The following TIGAR variants were observed in gnomAD, a reference collection of about 807,000 sequenced individuals.
The protein encoded by TIGAR is fructose-2,6-bisphosphatase TIGAR.
Under a neutral mutation model 17.9 loss-of-function variants are expected in TIGAR, and 7 were observed. The observed-to-expected ratio is 0.39, with a 90% CI of 0.22 to 0.73. The LOEUF (loss-of-function observed/expected upper bound fraction) is 0.73, where lower values mean the gene tolerates loss of function less well. Among genes scored for constraint, TIGAR ranks in the 30% least tolerant of loss-of-function variants. The pLI, the probability that TIGAR is intolerant of heterozygous loss-of-function variation, is 0.42. For synonymous variants in TIGAR, 94 were observed against 108.6 expected, an observed-to-expected ratio of 0.87 and a Z score of 0.84; for missense variants, 258 against 327.4, an observed-to-expected ratio of 0.79 and a Z score of 1.64.
chr12:4,325,296 G>A (rs530289526), intron 1 of TIGAR, among the ~76,000 whole-genome samples: 1 of 152,170 alleles, frequency 6.6e-6, no homozygotes, highest in Non-Finnish European at 1.5e-5. Flanking sequence ...ACTTTTATTG[G>A]CAGTTACTTT....
intron 1 of TIGAR, chr12:4,324,702 C>T (rs1362486542): frequency 2.4e-5 from 21 of 860,464 alleles, no homozygotes; most frequent in Middle Eastern, 3.3e-4. Context: ...ACGCACTGTA[C>T]AGCTGCGTCA....
intron 3 of TIGAR, among the ~76,000 whole-genome samples, chr12:4,339,973 G>T (rs1241761986): frequency 3.3e-5 from 5 of 152,228 alleles, no homozygotes; most frequent in Non-Finnish European, 7.3e-5. Context: ...ACTGAGTGAG[G>T]AGAAACTGAA....
At chr12:4,350,137 A>G (rs1287644472) in intron 4 of TIGAR, among the ~76,000 whole-genome samples, 1 of 152,244 alleles carries the variant, frequency 6.6e-6, no homozygotes, top group Admixed American at 6.5e-5. Context: ...AACTTAACAC[A>G]GTATAGAAGA....
chr12:4,323,199 T>G (rs1240844827), intron 1 of TIGAR, among the ~76,000 whole-genome samples: 1 of 151,314 alleles, frequency 6.6e-6, no homozygotes, highest in Non-Finnish European at 1.5e-5. Flanking sequence ...CATGTGAGCC[T>G]GGGAAGTGAG....
At chr12:4,336,846 G>A (rs1315152846) in intron 2 of TIGAR, among the ~76,000 whole-genome samples, 193 bp from the exon 3 acceptor site, 1 of 152,116 alleles carries the variant, frequency 6.6e-6, no homozygotes, top group Non-Finnish European at 1.5e-5. Flanking sequence ...GAAAATAATT[G>A]AATACCTGAG....
intron 3 of TIGAR, among the ~76,000 whole-genome samples, chr12:4,343,063 CAA>C (rs1864742000): frequency 6.6e-6 from 1 of 151,600 alleles, no homozygotes; most frequent in Admixed American, 6.6e-5. Flanking sequence ...AAATGGAAAA[CAA>C]AAAAAGGCAG....
chr12:4,324,793 T>C (rs1864524327), intron 1 of TIGAR: 1 of 639,860 alleles, frequency 1.6e-6, no homozygotes, highest in Non-Finnish European at 2.9e-6. Context: ...GTCCGCTTCT[T>C]CTGCTCTACC....
intron 1 of TIGAR, among the ~76,000 whole-genome samples, chr12:4,328,233 C>T (rs955683337): frequency 6.6e-6 from 1 of 151,846 alleles, no homozygotes; most frequent in African/African-American, 2.4e-5. Context: ...CTTTTGTCGC[C>T]CAGGCTGGAG....
chr12:4,353,932 C>T lies in TIGAR; in HGVS notation c.*1241C>T, dbSNP rs907892936. 3 of 152,372 alleles carry T rather than the reference C, an allele frequency of 2.0e-5. No individual in the cohort carries two copies. Among genetic ancestry groups the T allele is most frequent in the Non-Finnish European group, 4.4e-5 (3 of 67,980 alleles). The allele number at this position is 152,372 out of a possible 1,614,324, so 9.4% of individuals were successfully genotyped here. On this transcript the variant is annotated 3_prime_UTR_variant, in exon 6 of 6. Coordinates refer to ENST00000179259, the MANE Select transcript of TIGAR (RefSeq NM_020375.3). ...TTTGTGGCAGGTACAGGTGAGGTTG[C>T]CTCTTCTTTCCACCAGATGGCACTG...
chr12:4,349,704 A>C lies in TIGAR; in HGVS notation c.193-115A>C, dbSNP rs958440464. The C allele has an allele frequency of 6.1e-6, 5 of 814,152 alleles. No individual in the cohort carries two copies. The African/African-American group carries it at 7.3e-5, about 12-fold the overall frequency. The allele number at this position is 814,152 out of a possible 1,614,324, so 50.4% of individuals were successfully genotyped here. A position where few individuals can be genotyped will look rare whatever the true frequency, so the allele number is the denominator to read the frequency against. ...AGTGCTGGGATTACAGGTGTGAGCCACCGTGCCTGGTTCTAGTTCTTTTTT... is the reference window on the plus strand; with the variant it reads ...AGTGCTGGGATTACAGGTGTGAGCCCCCGTGCCTGGTTCTAGTTCTTTTTT... On this transcript the variant is annotated intron_variant, in intron 3 of 5. Coordinates refer to ENST00000179259, the MANE Select transcript of TIGAR (RefSeq NM_020375.3).
Position 4,352,610 on chromosome 12 carries a change from A to G in TIGAR, c.732A>G (p.Glu244=), listed in dbSNP as rs991968467. 4 of 1,611,576 alleles carry G rather than the reference A, an allele frequency of 2.5e-6. No individual in the cohort carries two copies. In the African/African-American group the frequency reaches 5.3e-5, roughly 22 times the overall value. ...GTCTCTTTATCATAAACTTTGAGGA[A>G]GGAAGAGAAGTTAAACCAACGGTTC... ...GMSLFIINFE[E]GREVKPTVQC... The change falls in exon 6 of 6, where the codon GAA becomes GAG. Residue 244 remains glutamate, a synonymous_variant. Coordinates refer to ENST00000179259, the MANE Select transcript of TIGAR (RefSeq NM_020375.3).
At chr12:4,350,804 A>C (rs1432048150) in intron 4 of TIGAR, among the ~76,000 whole-genome samples, 1 of 152,024 alleles carries the variant, frequency 6.6e-6, no homozygotes, top group Non-Finnish European at 1.5e-5. Flanking sequence ...AAAAAAAGAA[A>C]TAGATCTCTC....
In TIGAR at chr12:4,354,327, C is replaced by T. The variant is rs1864871841; in HGVS notation, c.*1636C>T. ...CAAAAAGGACAGACAATAATTATCT[C>T]CATTCCCACCATACTGAAGTCATCT... On this transcript the variant is annotated 3_prime_UTR_variant, in exon 6 of 6. Transcript: ENST00000179259. The T allele has an allele frequency of 6.6e-6, 1 of 152,020 alleles. No homozygotes were observed. Among genetic ancestry groups the T allele is most frequent in the Admixed American group, 6.5e-5 (1 of 15,268 alleles). The allele number at this position is 152,020 out of a possible 1,614,324, so 9.4% of individuals were successfully genotyped here. A position where few individuals can be genotyped will look rare whatever the true frequency, so the allele number is the denominator to read the frequency against.
At position 4,357,402 on chromosome 12, in the gene TIGAR, G is replaced by A. The variant is rs925713597; in HGVS notation, c.*4711G>A. 2.0e-5 allele frequency among the ~76,000 whole-genome samples: 3 copies of A among 152,176 alleles called. No homozygotes were observed. Among genetic ancestry groups the A allele is most frequent in the East Asian group, 1.9e-4 (1 of 5,194 alleles). Reference sequence around the variant, plus strand: ...AAAGGAAAGAAGTATTCAGTAGAGCGGTGGTGCTGGGCTGAGTACCTGCTA... The same window carrying A: ...AAAGGAAAGAAGTATTCAGTAGAGCAGTGGTGCTGGGCTGAGTACCTGCTA... On this transcript the variant is annotated 3_prime_UTR_variant, in exon 6 of 6. Transcript: ENST00000179259.
At chr12:4,323,718 G>A (rs1383108524) in intron 1 of TIGAR, among the ~76,000 whole-genome samples, 1 of 152,158 alleles carries the variant, frequency 6.6e-6, no homozygotes. Flanking sequence ...CCATTTTTGA[G>A]GCTACTTTTT....
intron 2 of TIGAR, 120 bp from the exon 3 acceptor site, chr12:4,336,919 G>GT: frequency 8.4e-7 from 1 of 1,186,506 alleles, no homozygotes; most frequent in South Asian, 2.3e-5. Flanking sequence ...ACGTGGAAGA[G>GT]TACTTAAAAA....
chr12:4,325,538 C>G (rs1193765793), intron 1 of TIGAR, among the ~76,000 whole-genome samples: 1 of 151,834 alleles, frequency 6.6e-6, no homozygotes, highest in Non-Finnish European at 1.5e-5. Flanking sequence ...GCCGGGAGTT[C>G]AAGACCAGCC....
chr12:4,351,742 C>G (rs1864840145), intron 5 of TIGAR, among the ~76,000 whole-genome samples: 1 of 152,250 alleles, frequency 6.6e-6, no homozygotes, highest in African/African-American at 2.4e-5. Flanking sequence ...CAGCTCTGTT[C>G]ATGGTGGCAT....
intron 3 of TIGAR, among the ~76,000 whole-genome samples, chr12:4,343,905 C>G (rs2120679809): frequency 6.6e-6 from 1 of 152,236 alleles, no homozygotes; most frequent in East Asian, 1.9e-4. Flanking sequence ...GAGACAGAGA[C>G]ACAAAAAACC....
Sources: gnomAD v4.1 joint callset for allele counts (sites outside exome capture counted in the v4.1 genomes callset) on GRCh38, gnomAD v4.1.1 for gene constraint, MANE v1.5 for transcripts, NCBI Gene and HGNC (gene_info 2026-07-23, HGNC 2026-07-21) for gene names.